Variants in PCDHGB5 observed in about 807,000 individuals in gnomAD.
PCDHGB5 encodes protocadherin gamma subfamily B, 5, also known as protocadherin gamma-B5.
A neutral mutation model predicts 62.9 loss-of-function variants in PCDHGB5; 48 were observed. That is an observed-to-expected ratio of 0.76 (90% CI 0.61 to 0.97). The LOEUF is 0.97. Ranked by LOEUF, PCDHGB5 falls within the 50% of genes least tolerant of loss-of-function variation. The pLI is 0.00. For missense variants in PCDHGB5, 1,118 were observed against 1,198.6 expected (o/e 0.93, Z 0.99); for synonymous variants, 474 against 511.2 (o/e 0.93, Z 0.98).
In PCDHGB5 at chr5:141,489,412, G is replaced by C; in HGVS notation, c.2398-5395G>C. On this transcript the variant is annotated intron_variant, in intron 1 of 3. Coordinates refer to ENST00000617380, the MANE Select transcript of PCDHGB5 (RefSeq NM_018925.3). The surrounding 1 kb of genome is among the most constrained non-coding windows in gnomAD (Gnocchi z 4.5). ...TCAGGATCTGGGCTTAAAGATGACAGATCTGTTGAGCCGGCGGCTGCAATT... is the reference window on the plus strand; with the variant it reads ...TCAGGATCTGGGCTTAAAGATGACACATCTGTTGAGCCGGCGGCTGCAATT... The C allele has an allele frequency of 6.2e-7, 1 of 1,614,172 alleles. No individual in the cohort carries two copies. Among genetic ancestry groups the C allele is most frequent in the Non-Finnish European group, 8.5e-7 (1 of 1,180,040 alleles).
rs544565104 is a variant in PCDHGB5, at chr5:141,489,014, G to A, written c.2398-5793G>A. 2.5e-5 allele frequency: 11 copies of A among 433,976 alleles called. No individual in the cohort carries two copies. The highest frequency in any genetic ancestry group is 1.6e-4 in the Admixed American group (4 of 25,754). The allele number at this position is 433,976 out of a possible 1,614,324, so 26.9% of individuals were successfully genotyped here. On this transcript the variant is annotated intron_variant, in intron 1 of 3. Coordinates refer to ENST00000617380, the MANE Select transcript of PCDHGB5 (RefSeq NM_018925.3). This position sits in a 1 kb window ranked among gnomAD's most constrained non-coding sequence, Gnocchi z 4.5. ...GGTGGGAGATCTGCTCTTCCAGCCC[G>A]CCTCTCCTCCTCCAGCTCCCCAGCT... is the stretch of plus-strand genomic sequence containing the variant.
In PCDHGB5 at chr5:141,511,460, A is replaced by ACCC. The variant is rs1367357803; in HGVS notation, c.*289_*291dup. The ACCC allele has an allele frequency of 2.4e-4, 137 of 564,806 alleles. 1 individual carries two copies. In the Middle Eastern group the frequency reaches 2.7e-3, roughly 11 times the overall value. The allele number at this position is 564,806 out of a possible 1,614,324, so 35.0% of individuals were successfully genotyped here. A position where few individuals can be genotyped will look rare whatever the true frequency, so the allele number is the denominator to read the frequency against. ...GTAGACACCAAGAACCATTTGCCAC[A>ACCC]CCCCGTTTAGTTACAGCTGAACTCC... On this transcript the variant is annotated 3_prime_UTR_variant, in exon 4 of 4. Transcript: ENST00000617380.
intron 1 of PCDHGB5, chr5:141,427,665 G>A (rs763897261): frequency 1.3e-5 from 10 of 782,298 alleles, no homozygotes; most frequent in Admixed American, 3.9e-5. Flanking sequence ...CCACGTGGCC[G>A]AAAACAACCT....
chr5:141,470,671 C>T (rs2099236433), intron 1 of PCDHGB5, among the ~76,000 whole-genome samples: 1 of 152,064 alleles, frequency 6.6e-6, no homozygotes, highest in African/African-American at 2.4e-5. Context: ...TAGGGCTCTG[C>T]TGTTACCATC....
intron 3 of PCDHGB5, among the ~76,000 whole-genome samples, chr5:141,509,781 T>TCATC (rs1198131164): frequency 6.6e-6 from 1 of 152,116 alleles, no homozygotes; most frequent in Non-Finnish European, 1.5e-5. Flanking sequence ...GTCCCCGAGA[T>TCATC]CATCATCTCC....
intron 1 of PCDHGB5, chr5:141,424,482 T>C (rs779975685): frequency 1.3e-5 from 2 of 152,216 alleles, no homozygotes; most frequent in Non-Finnish European, 2.9e-5. Context: ...TACTTTGGTG[T>C]CTGTGTTTGT....
intron 1 of PCDHGB5, chr5:141,419,537 C>G (rs368875631): frequency 1.2e-6 from 2 of 1,612,040 alleles, no homozygotes; most frequent in Non-Finnish European, 1.7e-6. Flanking sequence ...CGACAACGCA[C>G]CGCGGGTGCT....
intron 1 of PCDHGB5, among the ~76,000 whole-genome samples, chr5:141,446,356 A>G (rs73280911): frequency 0.088 from 13,411 of 152,284 alleles, 771 homozygotes; most frequent in African/African-American, 0.16. Flanking sequence ...CTACCATTTG[A>G]TGAGAATGGA....
At position 141,398,999 on chromosome 5, in the gene PCDHGB5, A is replaced by C; in HGVS notation, c.872A>C (p.Asn291Thr). The change falls in exon 1 of 4, where the codon AAT becomes ACT. Residue 291 changes from asparagine to threonine, a missense_variant. Asn to Thr is a moderately conservative substitution (Grantham distance 65, BLOSUM62 0). Transcript: ENST00000617380. ...FYRTGQIFSL[N>T]SKSGEITTQK... ...AGAACCGGGCAAATCTTTAGTCTGA[A>C]TTCAAAGAGCGGAGAAATTACCACT... 6.2e-7 allele frequency: 1 copy of C among 1,613,964 alleles called. No homozygotes were observed. Among genetic ancestry groups the C allele is most frequent in the East Asian group, 2.2e-5 (1 of 44,890 alleles).
In PCDHGB5 at chr5:141,490,175, A is replaced by C; in HGVS notation, c.2398-4632A>C. The C allele has an allele frequency of 1.9e-6, 3 of 1,614,194 alleles. No homozygotes were observed. Among genetic ancestry groups the C allele is most frequent in the East Asian group, 4.5e-5 (2 of 44,884 alleles). On this transcript the variant is annotated intron_variant, in intron 1 of 3. Coordinates refer to ENST00000617380, the MANE Select transcript of PCDHGB5 (RefSeq NM_018925.3). This position sits in a 1 kb window ranked among gnomAD's most constrained non-coding sequence, Gnocchi z 5.4. ...GTGTTGGGTCCCATAGACTTTGAGG[A>C]GTCACGTTTCTATGAAATTCATGCA...
chr5:141,420,415 T>A, intron 1 of PCDHGB5: 1 of 1,217,296 alleles, frequency 8.2e-7, no homozygotes, highest in Non-Finnish European at 1.1e-6. Context: ...TTATCATTAT[T>A]AAAACAAAAG....
In PCDHGB5 at chr5:141,432,613, G is replaced by A. The variant is rs1461837957; in HGVS notation, c.2397+32089G>A. 6.2e-7 allele frequency: 1 copy of A among 1,613,946 alleles called. No homozygotes were observed. The highest frequency in any genetic ancestry group is 1.3e-5 in the African/African-American group (1 of 75,056). On this transcript the variant is annotated intron_variant, in intron 1 of 3. Coordinates refer to ENST00000617380, the MANE Select transcript of PCDHGB5 (RefSeq NM_018925.3). The surrounding 1 kb of genome is among the most constrained non-coding windows in gnomAD (Gnocchi z 6.0). ...AGGCCAGCGAGCCGGGACTCTTCTC[G>A]GTGGGTCTGCACACGGGCGAGGTGC...
intron 3 of PCDHGB5, among the ~76,000 whole-genome samples, chr5:141,506,320 G>A (rs1054880362): frequency 8.6e-5 from 13 of 151,966 alleles, no homozygotes; most frequent in South Asian, 8.3e-4. Flanking sequence ...ATGGTGGTGC[G>A]TGCCTGTAGT....
intron 1 of PCDHGB5, chr5:141,423,757 G>T (rs562479446): frequency 7.3e-5 from 29 of 395,130 alleles, no homozygotes; most frequent in Non-Finnish European, 9.5e-5. Flanking sequence ...GTTTGGGGGG[G>T]GGGTGGGGCG....
At chr5:141,434,128 G>A (rs1267483739) in intron 1 of PCDHGB5, among the ~76,000 whole-genome samples, 1 of 152,138 alleles carries the variant, frequency 6.6e-6, no homozygotes, top group Non-Finnish European at 1.5e-5. Flanking sequence ...ACTCCCTTTA[G>A]GCTGATTTCT....
At chr5:141,479,590 A>T (rs2099500448) in intron 1 of PCDHGB5, 1 of 152,182 alleles carries the variant, frequency 6.6e-6, no homozygotes, top group Non-Finnish European at 1.5e-5. Context: ...TAGCCACTGC[A>T]CTCCAGCCTA....
intron 1 of PCDHGB5, chr5:141,415,051 C>T: frequency 3.1e-6 from 5 of 1,613,458 alleles, no homozygotes; most frequent in South Asian, 1.1e-5. Flanking sequence ...GGTGGGGGAG[C>T]ACACGGGCGA....
intron 1 of PCDHGB5, chr5:141,404,701 G>C (rs563319884): frequency 1.2e-6 from 2 of 1,613,956 alleles, no homozygotes; most frequent in Non-Finnish European, 1.7e-6. Context: ...GCTCTGCAGA[G>C]CCTGGCTACC....
At chr5:141,473,635 C>A (rs945632106) in intron 1 of PCDHGB5, among the ~76,000 whole-genome samples, 1 of 152,128 alleles carries the variant, frequency 6.6e-6, no homozygotes, top group African/African-American at 2.4e-5. Flanking sequence ...AGCAGCTTTC[C>A]TGGCAAAGGA....
Sources: gnomAD v4.1 joint callset for allele counts (sites outside exome capture counted in the v4.1 genomes callset) on GRCh38, gnomAD v4.1.1 for gene constraint, Gnocchi (gnomAD v3.1) non-coding constraint, MANE v1.5 for transcripts, NCBI Gene and HGNC (gene_info 2026-07-23, HGNC 2026-07-21) for gene names.